Variants in PAQR5 observed in about 807,000 individuals in gnomAD.
The protein encoded by PAQR5 is membrane progestin receptor gamma.
PAQR5 carries 20 observed loss-of-function variants against 34.5 expected under a neutral mutation model. The ratio of observed to expected loss-of-function variants is 0.58; its 90% CI spans 0.41 to 0.84. PAQR5 has a LOEUF of 0.84. Ranked by LOEUF, PAQR5 falls within the 40% of genes least tolerant of loss-of-function variation. The pLI, the probability that PAQR5 is intolerant of heterozygous loss-of-function variation, is 0.00. For synonymous variants in PAQR5, 131 were observed against 155.6 expected, an observed-to-expected ratio of 0.84 and a Z score of 1.18; for missense variants, 378 against 412.7, an observed-to-expected ratio of 0.92 and a Z score of 0.73.
intron 1 of PAQR5, among the ~76,000 whole-genome samples, chr15:69,318,430 C>G (rs1026045996): frequency 1.3e-5 from 2 of 152,216 alleles, no homozygotes; most frequent in South Asian, 2.1e-4. Context: ...CTCCTGTTAC[C>G]TGCTCGTGGT....
intron 1 of PAQR5, among the ~76,000 whole-genome samples, chr15:69,329,699 G>C (rs2054336696): frequency 6.6e-6 from 1 of 151,862 alleles, no homozygotes; most frequent in Non-Finnish European, 1.5e-5. Context: ...TGTCCAGGCT[G>C]GTCTTGAACT....
At chr15:69,383,692 T>G (rs1595921285) in intron 4 of PAQR5, among the ~76,000 whole-genome samples, 1 of 69,054 alleles carries the variant, frequency 1.4e-5, no homozygotes, top group Non-Finnish European at 2.7e-5. Context: ...GGAGGGTGAG[T>G]GGGCCTCTGT....
chr15:69,386,738 C>T (rs2056121468), intron 5 of PAQR5, among the ~76,000 whole-genome samples: 1 of 151,678 alleles, frequency 6.6e-6, no homozygotes, highest in African/African-American at 2.4e-5. Flanking sequence ...CAGAGATCTC[C>T]TCCATGCCTA....
At chr15:69,364,643 C>CTG (rs3985624) in intron 3 of PAQR5, among the ~76,000 whole-genome samples, 22 of 146,458 alleles carry the variant, frequency 1.5e-4, no homozygotes, top group African/African-American at 4.2e-4. Context: ...AATATGGTTG[C>CTG]TGTGTGTGTG....
At chr15:69,359,795 T>G (rs1018438585) in intron 2 of PAQR5, among the ~76,000 whole-genome samples, 171 bp from the exon 3 acceptor site, 1 of 152,110 alleles carries the variant, frequency 6.6e-6, no homozygotes, top group Non-Finnish European at 1.5e-5. Context: ...CCTCCAGCAC[T>G]CTTGGAGTGG....
intron 3 of PAQR5, among the ~76,000 whole-genome samples, chr15:69,368,380 A>G (rs956426681): frequency 6.6e-6 from 1 of 152,200 alleles, no homozygotes; most frequent in Non-Finnish European, 1.5e-5. Context: ...TAGAAGTAAC[A>G]TTAACTGGAA....
At chr15:69,309,061 T>C (rs2053776623) in intron 1 of PAQR5, among the ~76,000 whole-genome samples, 1 of 152,040 alleles carries the variant, frequency 6.6e-6, no homozygotes, top group Non-Finnish European at 1.5e-5. Flanking sequence ...AGACAGCAGG[T>C]GGGGTCCTGA....
chr15:69,387,711 C>T (rs529749893), intron 5 of PAQR5, among the ~76,000 whole-genome samples: 220 of 152,330 alleles, frequency 1.4e-3, no homozygotes, highest in African/African-American at 5.1e-3. Context: ...CCACCACCAA[C>T]CTGTCCCCTG....
rs1438063187 is a variant in PAQR5 at position 69,403,687 on chromosome 15, C to T, written c.858C>T (p.Thr286=). The change falls in exon 9 of 9, where the codon ACC becomes ACT. Residue 286 remains threonine (T), a synonymous_variant. Coordinates refer to ENST00000395407, the MANE Select transcript of PAQR5 (RefSeq NM_017705.4). ...KTLRKEWLLA[T]SKPFSFSQIA... is the part of the protein sequence containing the mutation. ...TGAGGAAGGAATGGCTCCTGGCCACCTCCAAGCCCTTCTCTTTCTCTCAGA... is the reference window on the plus strand; with the variant it reads ...TGAGGAAGGAATGGCTCCTGGCCACTTCCAAGCCCTTCTCTTTCTCTCAGA... 1.2e-6 allele frequency: 2 copies of T among 1,614,186 alleles called. No individual in the cohort carries two copies. The highest frequency in any genetic ancestry group is 2.2e-5 in the South Asian group (2 of 91,082).
intron 2 of PAQR5, among the ~76,000 whole-genome samples, chr15:69,347,605 C>T (rs1156264599): frequency 6.6e-6 from 1 of 152,144 alleles, no homozygotes; most frequent in Non-Finnish European, 1.5e-5. Context: ...CCCGCCCCTC[C>T]AAAAGTGGTC....
chr15:69,317,573 C>T lies in PAQR5; in HGVS notation c.-277+18517C>T, dbSNP rs116650702. The stretch of plus-strand genomic sequence containing the variant: ...AGGTGTGCTCTTTGGGTAATGATTA[C>T]GTGAAATGGCTCACCTACAGCTTTA... On this transcript the variant is annotated intron_variant, in intron 1 of 8. Transcript: ENST00000395407. Among the ~76,000 whole-genome samples the T allele has an allele frequency of 3.5e-3, 534 of 152,248 alleles. 4 individuals carry two copies. The highest frequency in any genetic ancestry group is 0.012 in the African/African-American group (519 of 41,542).
intron 1 of PAQR5, among the ~76,000 whole-genome samples, chr15:69,325,980 C>T (rs16953139): frequency 0.041 from 6,241 of 152,278 alleles, 267 homozygotes; most frequent in East Asian, 0.15. Flanking sequence ...GCTTTGAAAG[C>T]CACTTTTCTC....
chr15:69,360,237 A>T, intron 3 of PAQR5, 106 bp downstream of exon 3: 1 of 751,356 alleles, frequency 1.3e-6, no homozygotes, highest in Non-Finnish European at 2.3e-6. Context: ...GTACAGGCCC[A>T]TTCCCTTCAA....
intron 2 of PAQR5, among the ~76,000 whole-genome samples, chr15:69,350,224 T>C (rs2140785750): frequency 6.6e-6 from 1 of 152,320 alleles, no homozygotes; most frequent in Admixed American, 6.5e-5. Context: ...CCAATCAGAA[T>C]CGTCTGTCTC....
intron 3 of PAQR5, among the ~76,000 whole-genome samples, chr15:69,373,982 C>A (rs1356180918): frequency 6.6e-6 from 1 of 152,124 alleles, no homozygotes; most frequent in Non-Finnish European, 1.5e-5. Context: ...TTTGGTTCCT[C>A]CATCCCTGAT....
chr15:69,320,304 G>A (rs1345403790), intron 1 of PAQR5, among the ~76,000 whole-genome samples: 2 of 152,218 alleles, frequency 1.3e-5, no homozygotes, highest in African/African-American at 4.8e-5. Flanking sequence ...CTCTTACCTG[G>A]GACCAGCTTT....
intron 1 of PAQR5, among the ~76,000 whole-genome samples, chr15:69,300,962 T>C (rs201956569): frequency 1.9e-5 from 1 of 53,962 alleles, no homozygotes; most frequent in East Asian, 4.8e-4. Flanking sequence ...TTTCTTTCTT[T>C]CTTTCTTTCT....
At chr15:69,389,804 TGGGAG>T in intron 6 of PAQR5, 24 bp downstream of exon 6, 1 of 1,612,316 alleles carries the variant, frequency 6.2e-7, no homozygotes, top group Non-Finnish European at 8.5e-7. Flanking sequence ...TGACCTCAGA[TGGGAG>T]GGGAGGGAGG....
At chr15:69,392,770 A>G (rs1302850681) in intron 6 of PAQR5, among the ~76,000 whole-genome samples, 1 of 151,418 alleles carries the variant, frequency 6.6e-6, no homozygotes, top group Non-Finnish European at 1.5e-5. Flanking sequence ...TTAGGACTGG[A>G]TATTGAAGGA....
Sources: allele counts gnomAD v4.1 joint callset (sites outside exome capture counted in the v4.1 genomes callset), GRCh38; gene constraint gnomAD v4.1.1; transcripts MANE v1.5; gene names NCBI Gene and HGNC (gene_info 2026-07-23, HGNC 2026-07-21).